TRPC1: variants seen among roughly 807,000 people sequenced by gnomAD.
TRPC1 encodes the protein short transient receptor potential channel 1.
In TRPC1, 42 loss-of-function variants were observed where a neutral mutation model predicts 88.2. The ratio of observed to expected loss-of-function variants is 0.48; its 90% CI spans 0.37 to 0.62. TRPC1 has a LOEUF of 0.62. Ranked by LOEUF, TRPC1 falls within the 20% of genes least tolerant of loss-of-function variation. TRPC1 has a pLI of 0.00. For missense variants in TRPC1, 699 were observed against 957.3 expected (o/e 0.73, Z 3.56); for synonymous variants, 288 against 331.8 (o/e 0.87, Z 1.43).
chr3:142,805,246 C>T (rs558671300), intron 12 of TRPC1, among the ~76,000 whole-genome samples: 1 of 150,246 alleles, frequency 6.7e-6, no homozygotes, highest in South Asian at 2.1e-4. Flanking sequence ...TATAAAATTT[C>T]ATCTCATAGT....
At chr3:142,756,403 A>G (rs11915810) in intron 4 of TRPC1, among the ~76,000 whole-genome samples, 25,010 of 144,856 alleles carry the variant, frequency 0.17, 2,273 homozygotes, top group Middle Eastern at 0.27. Context: ...TCTGTTGCCC[A>G]TGCTGGAGTG....
intron 1 of TRPC1, among the ~76,000 whole-genome samples, chr3:142,726,832 C>G (rs1010468060): frequency 6.6e-6 from 1 of 152,188 alleles, no homozygotes; most frequent in Non-Finnish European, 1.5e-5. Context: ...GTTAAACATT[C>G]ACTAAAGCAG....
chr3:142,765,400 C>G (rs1186486689), intron 4 of TRPC1, among the ~76,000 whole-genome samples: 1 of 152,132 alleles, frequency 6.6e-6, no homozygotes, highest in African/African-American at 2.4e-5. Context: ...TCAGAGTCAT[C>G]ACATTACCTG....
chr3:142,732,343 T>A (rs1933955465), intron 1 of TRPC1, among the ~76,000 whole-genome samples: 1 of 152,118 alleles, frequency 6.6e-6, no homozygotes, highest in African/African-American at 2.4e-5. Flanking sequence ...GCTTTGAGTT[T>A]TCTCGGGCAG....
At chr3:142,804,744 T>G (rs1209896256) in intron 12 of TRPC1, 114 bp downstream of exon 12, 1 of 899,472 alleles carries the variant, frequency 1.1e-6, no homozygotes, top group East Asian at 2.7e-5. Context: ...GTCTGACTTT[T>G]TTTCACTGCT....
intron 4 of TRPC1, among the ~76,000 whole-genome samples, chr3:142,772,238 T>G (rs1318786392): frequency 2.0e-5 from 3 of 152,206 alleles, no homozygotes; most frequent in Non-Finnish European, 4.4e-5. Context: ...ATTATTTCTT[T>G]GAATATTTTT....
At chr3:142,734,232 G>T (rs114152546) in intron 1 of TRPC1, among the ~76,000 whole-genome samples, 1 of 152,048 alleles carries the variant, frequency 6.6e-6, no homozygotes, top group Non-Finnish European at 1.5e-5. Context: ...GTCATACAGC[G>T]ACTACAAAAT....
intron 3 of TRPC1, 94 bp from the exon 4 acceptor site, chr3:142,748,164 T>C (rs1239477762): frequency 3.5e-6 from 4 of 1,150,980 alleles, no homozygotes; most frequent in Non-Finnish European, 4.9e-6. Context: ...TTAAGTTCTT[T>C]GTGCCTTCCT....
intron 4 of TRPC1, among the ~76,000 whole-genome samples, chr3:142,774,063 A>C (rs755007336): frequency 6.6e-6 from 1 of 151,866 alleles, no homozygotes; most frequent in Non-Finnish European, 1.5e-5. Flanking sequence ...TTTAGGTTTG[A>C]TTCCTAAGGA....
chr3:142,782,184 TAA>T (rs960141628), intron 6 of TRPC1, among the ~76,000 whole-genome samples: 28 of 152,158 alleles, frequency 1.8e-4, no homozygotes, highest in African/African-American at 6.5e-4. Flanking sequence ...AAAAAAATCT[TAA>T]GAGGTAATTT....
intron 9 of TRPC1, among the ~76,000 whole-genome samples, chr3:142,797,503 C>T (rs968512898): frequency 6.6e-6 from 1 of 152,066 alleles, no homozygotes; most frequent in African/African-American, 2.4e-5. Context: ...TCCTAGGCCT[C>T]AACATTTATG....
At chr3:142,751,060 G>GT (rs780090584) in intron 4 of TRPC1, among the ~76,000 whole-genome samples, 1 of 152,124 alleles carries the variant, frequency 6.6e-6, no homozygotes, top group East Asian at 1.9e-4. Flanking sequence ...TGGTAAAAAA[G>GT]TTAAAATTTA....
intron 4 of TRPC1, among the ~76,000 whole-genome samples, chr3:142,768,564 T>G (rs1052801260): frequency 6.6e-6 from 1 of 152,134 alleles, no homozygotes; most frequent in African/African-American, 2.4e-5. Context: ...TTGAAGTGTT[T>G]AGTTCACTCA....
chr3:142,777,647 A>G lies in TRPC1; in HGVS notation c.648A>G (p.Ile216Met), dbSNP rs139635169. 3.2e-4 allele frequency: 519 copies of G among 1,603,890 alleles called. No homozygotes were observed. Among genetic ancestry groups the G allele is most frequent in the Non-Finnish European group, 4.2e-4 (488 of 1,174,240 alleles). ...TTTATCACAGGTTTCGTCTTGATATATATCGATGTTTGGCCAGTCCAGCTC... is the reference window on the plus strand; with the variant it reads ...TTTATCACAGGTTTCGTCTTGATATGTATCGATGTTTGGCCAGTCCAGCTC... ...SLRHSRFRLD[I>M]YRCLASPALI... Residue 216 changes from isoleucine (I) to methionine (M), a missense_variant, in exon 5 of 13, where the codon ATA becomes ATG. Ile to Met is a conservative substitution (Grantham distance 10). This residue lies in a region of TRPC1 where 426 missense variants were observed against 641.3 expected (regional missense o/e 0.66). Transcript: ENST00000476941.
intron 4 of TRPC1, among the ~76,000 whole-genome samples, 192 bp from the exon 5 acceptor site, chr3:142,777,440 G>A (rs1444846025): frequency 6.6e-6 from 1 of 151,878 alleles, no homozygotes; most frequent in Admixed American, 6.6e-5. Flanking sequence ...AGATAGCAAG[G>A]TTTTTCAATA....
In TRPC1 at chr3:142,795,579, G is replaced by GA. The variant is rs200770318; in HGVS notation, c.1581+2622dup. ...GAGTGACATTTGTAAAGCACTGAAAGAAAAAAAAAACAACTGTCAACCTGG... is the reference window on the plus strand; with the variant it reads ...GAGTGACATTTGTAAAGCACTGAAAGAAAAAAAAAAACAACTGTCAACCTGG... On this transcript the variant is annotated intron_variant, in intron 9 of 12. Transcript: ENST00000476941. Among the ~76,000 whole-genome samples the GA allele has an allele frequency of 6.0e-3, 875 of 144,722 alleles. 11 individuals carry two copies. The highest frequency in any genetic ancestry group is 0.019 in the African/African-American group (751 of 39,600). 94.9% of individuals were successfully genotyped at this position (144,722 alleles called of 152,430 possible).
At chr3:142,783,972 A>G (rs1936046320) in intron 6 of TRPC1, among the ~76,000 whole-genome samples, 1 of 152,152 alleles carries the variant, frequency 6.6e-6, no homozygotes. Context: ...TAGTTTCTGT[A>G]CCTGAACTAA....
chr3:142,750,304 A>T lies in TRPC1; in HGVS notation c.632+1844A>T, dbSNP rs183890970. Reference sequence around the variant, plus strand: ...GAAGACATTTATTCGGCCAACAAACATATGAAAAAAAGCTCATAATCACTG... The same window carrying T: ...GAAGACATTTATTCGGCCAACAAACTTATGAAAAAAAGCTCATAATCACTG... On this transcript the variant is annotated intron_variant, in intron 4 of 12. Coordinates refer to ENST00000476941, the MANE Select transcript of TRPC1 (RefSeq NM_001251845.2). Among the ~76,000 whole-genome samples the T allele has an allele frequency of 4.7e-3, 710 of 152,344 alleles. 5 individuals carry two copies. The highest frequency in any genetic ancestry group is 0.016 in the African/African-American group (660 of 41,582).
At chr3:142,777,495 T>A (rs1027184006) in intron 4 of TRPC1, 137 bp from the exon 5 acceptor site, 4 of 493,902 alleles carry the variant, frequency 8.1e-6, no homozygotes, top group African/African-American at 8.0e-5. Flanking sequence ...ATGGAGGTTA[T>A]CTTGTAATAA....
Sources: gnomAD v4.1 joint callset for allele counts (sites outside exome capture counted in the v4.1 genomes callset) on GRCh38, gnomAD v4.1.1 for gene constraint, gnomAD v4.1.1 regional missense constraint, MANE v1.5 for transcripts, NCBI Gene and HGNC (gene_info 2026-07-23, HGNC 2026-07-21) for gene names.